Variants in TOGARAM2 observed in about 807,000 individuals in gnomAD.
TOGARAM2 encodes the protein TOG array regulator of axonemal microtubules 2, also known as TOG array regulator of axonemal microtubules protein 2.
A neutral mutation model predicts 93.3 loss-of-function variants in TOGARAM2; 85 were observed. The ratio of observed to expected loss-of-function variants is 0.91; its 90% CI spans 0.76 to 1.09. The LOEUF (loss-of-function observed/expected upper bound fraction) is 1.09, where lower values mean the gene tolerates loss of function less well. Among genes scored for constraint, TOGARAM2 ranks in the 50% least tolerant of loss-of-function variants. The pLI is 0.00. For missense variants in TOGARAM2, 1,277 were observed against 1,334.5 expected, an observed-to-expected ratio of 0.96 and a Z score of 0.67; for synonymous variants, 593 against 552.8, an observed-to-expected ratio of 1.07 and a Z score of -1.02.
chr2:29,020,704 T>C (rs2148342682), intron 10 of TOGARAM2, among the ~76,000 whole-genome samples: 3 of 152,308 alleles, frequency 2.0e-5, no homozygotes, highest in Middle Eastern at 6.8e-3. Context: ...TATTGCTCGC[T>C]CCAGAAGACT....
At chr2:28,986,004 T>A (rs762459401) in intron 1 of TOGARAM2, among the ~76,000 whole-genome samples, 13 of 151,312 alleles carry the variant, frequency 8.6e-5, no homozygotes, top group Non-Finnish European at 1.9e-4. Flanking sequence ...TCCCAGCTAC[T>A]TGCAAGGCTG....
intron 7 of TOGARAM2, among the ~76,000 whole-genome samples, chr2:29,011,960 T>C (rs1664278496): frequency 1.3e-5 from 2 of 152,186 alleles, no homozygotes; most frequent in African/African-American, 2.4e-5. Context: ...AGAGAGAGTA[T>C]TCCTCACCTA....
At chr2:29,043,779 CAGCTT>C (rs1666579315) in intron 18 of TOGARAM2, among the ~76,000 whole-genome samples, 1 of 152,210 alleles carries the variant, frequency 6.6e-6, no homozygotes, top group Non-Finnish European at 1.5e-5. Context: ...GTGTATTTCT[CAGCTT>C]AGCACACCTT....
intron 2 of TOGARAM2, 31 bp downstream of exon 2, chr2:28,994,893 G>C (rs775907317): frequency 3.4e-5 from 53 of 1,551,428 alleles, no homozygotes; most frequent in Non-Finnish European, 4.3e-5. Context: ...CCTGCTGCTG[G>C]TGTTTTCCAG....
rs56295895 is a variant in TOGARAM2, at chr2:29,006,831, C to T, written c.830+3149C>T. Among the ~76,000 whole-genome samples the T allele has an allele frequency of 7.6e-3, 1,161 of 152,254 alleles. 10 individuals are homozygous for T. The highest frequency in any genetic ancestry group is 0.032 in the South Asian group (155 of 4,808). On this transcript the variant is annotated intron_variant, in intron 6 of 19. Coordinates refer to ENST00000379558, the MANE Select transcript of TOGARAM2 (RefSeq NM_199280.4). Reference sequence around the variant, plus strand: ...CACCATTGCACACGTCCTCCCCTTTCCCACTCAGACGCTGGCCTCTTCCTC... The same window carrying T: ...CACCATTGCACACGTCCTCCCCTTTTCCACTCAGACGCTGGCCTCTTCCTC...
intron 17 of TOGARAM2, among the ~76,000 whole-genome samples, 166 bp downstream of exon 17, chr2:29,035,822 G>A (rs961407509): frequency 2.6e-5 from 4 of 152,248 alleles, no homozygotes; most frequent in African/African-American, 9.6e-5. Context: ...CAAGGGCACC[G>A]CCTCCTGCCG....
At chr2:29,002,486 C>T (rs773842178) in intron 4 of TOGARAM2, 50 bp from the exon 5 acceptor site, 1 of 1,545,086 alleles carries the variant, frequency 6.5e-7, no homozygotes, top group South Asian at 1.2e-5. Context: ...CCACCTTCCA[C>T]TCCCTGTTCT....
chr2:29,021,933 A>G (rs998434239), intron 10 of TOGARAM2, among the ~76,000 whole-genome samples: 33 of 152,144 alleles, frequency 2.2e-4, no homozygotes, highest in African/African-American at 8.0e-4. Flanking sequence ...AGGAAGGGGA[A>G]AAGTCAGCCA....
Position 28,994,734 on chromosome 2 carries a change from G to T in TOGARAM2, c.-101G>T. The T allele has an allele frequency of 8.1e-7, 1 of 1,232,514 alleles. No individual in the cohort carries two copies. Among genetic ancestry groups the T allele is most frequent in the Admixed American group, 2.1e-5 (1 of 48,320 alleles). The allele number at this position is 1,232,514 out of a possible 1,614,324, so 76.3% of individuals were successfully genotyped here. On this transcript the variant is annotated 5_prime_UTR_variant, in exon 2 of 20. It removes an upstream start codon present in the reference 5' UTR. Transcript: ENST00000379558. ...CTCCTCTCACCCTTAGGTCCCGGAT[G>T]TTACAGGTCAGAGCCCTCCAGACCC...
intron 1 of TOGARAM2, among the ~76,000 whole-genome samples, chr2:28,988,633 G>T (rs1672571860): frequency 6.6e-6 from 1 of 152,066 alleles, no homozygotes; most frequent in Non-Finnish European, 1.5e-5. Flanking sequence ...AAAAAATACA[G>T]AGAACAAACA....
chr2:28,995,030 C>T (rs7563398), intron 2 of TOGARAM2, among the ~76,000 whole-genome samples, 168 bp downstream of exon 2: 105,309 of 152,152 alleles, frequency 0.69, 37,695 homozygotes, highest in Middle Eastern at 0.8. Context: ...CACATGCTGC[C>T]GCTCAGCTGG....
At chr2:28,962,724 CCT>C (rs1009736721) in intron 1 of TOGARAM2, among the ~76,000 whole-genome samples, 1 of 150,932 alleles carries the variant, frequency 6.6e-6, no homozygotes, top group South Asian at 2.1e-4. Context: ...TCTCCCTCTG[CCT>C]CTCTGTCTCC....
intron 6 of TOGARAM2, among the ~76,000 whole-genome samples, chr2:29,010,678 C>A (rs13001901): frequency 0.32 from 47,957 of 151,720 alleles, 8,407 homozygotes; most frequent in African/African-American, 0.47. Context: ...GAAGGGAAAG[C>A]CATGTAGGAC....
chr2:29,043,797 T>C (rs1325041827), intron 18 of TOGARAM2, among the ~76,000 whole-genome samples: 2 of 152,244 alleles, frequency 1.3e-5, no homozygotes. Flanking sequence ...CACACCTTTC[T>C]AGGACAGGCC....
At chr2:29,034,407 C>T (rs1434764779) in intron 16 of TOGARAM2, among the ~76,000 whole-genome samples, 7 of 152,242 alleles carry the variant, frequency 4.6e-5, no homozygotes, top group Non-Finnish European at 4.4e-5. Flanking sequence ...TTCTTCATAC[C>T]TCTGTCAGCC....
At chr2:29,009,855 C>T (rs59815992) in intron 6 of TOGARAM2, among the ~76,000 whole-genome samples, 3,185 of 152,074 alleles carry the variant, frequency 0.021, 89 homozygotes, top group African/African-American at 0.073. Context: ...CAGGGTGGGG[C>T]GGGGCTGCCA....
chr2:29,020,257 G>C (rs1043544531), intron 10 of TOGARAM2, among the ~76,000 whole-genome samples: 1 of 152,206 alleles, frequency 6.6e-6, no homozygotes, highest in Non-Finnish European at 1.5e-5. Context: ...TACAGATTGG[G>C]AATGGATGTG....
At position 29,011,304 on chromosome 2, in the gene TOGARAM2, C is replaced by G; in HGVS notation, c.831-151C>G. The G allele has an allele frequency of 4.7e-6, 3 of 643,370 alleles. No individual in the cohort carries two copies. The South Asian group carries it at 5.6e-5, about 12-fold the overall frequency. 39.9% of individuals were successfully genotyped at this position (643,370 alleles called of 1,614,324 possible). A position where few individuals can be genotyped will look rare whatever the true frequency, so the allele number is the denominator to read the frequency against. On this transcript the variant is annotated intron_variant, in intron 6 of 19. Transcript: ENST00000379558. ...AGCTGTATCTCCTGCAGCTTGAATC[C>G]TGGGCCAAGAGCCTCTGCAGGGATA...
At chr2:28,981,068 C>T (rs757874882), upstream of TOGARAM2, among the ~76,000 whole-genome samples, 3 of 152,220 alleles carry the variant, frequency 2.0e-5, no homozygotes, top group Non-Finnish European at 4.4e-5. Context: ...AACAACATCC[C>T]TGCACCAAGC....
Sources: gnomAD v4.1 joint callset for allele counts (sites outside exome capture counted in the v4.1 genomes callset) on GRCh38, gnomAD v4.1.1 for gene constraint, MANE v1.5 for transcripts, NCBI Gene and HGNC (gene_info 2026-07-23, HGNC 2026-07-21) for gene names.